The following ERN1 variants were observed in gnomAD, a reference collection of about 807,000 sequenced individuals.
ERN1 encodes serine/threonine-protein kinase/endoribonuclease IRE1.
Under a neutral mutation model 113.1 loss-of-function variants are expected in ERN1, and 39 were observed. The observed-to-expected ratio is 0.34, with a 90% confidence interval of 0.27 to 0.45. The LOEUF (loss-of-function observed/expected upper bound fraction) is 0.45, where lower values mean the gene tolerates loss of function less well. Among genes scored for constraint, ERN1 ranks in the 20% least tolerant of loss-of-function variants. The pLI, the probability that ERN1 is intolerant of heterozygous loss-of-function variation, is 1.00. For missense variants in ERN1, 976 were observed against 1,274.8 expected, an observed-to-expected ratio of 0.77 and a Z score of 3.57; for synonymous variants, 507 against 515.9, an observed-to-expected ratio of 0.98 and a Z score of 0.23.
chr17:64,102,785 C>T, intron 1 of ERN1: 1 of 985,388 alleles, frequency 1.0e-6, no homozygotes, highest in Non-Finnish European at 1.2e-6. Context: ...CTACGGCACA[C>T]ACACTGGTTT....
At position 64,058,120 on chromosome 17, in the gene ERN1, T is replaced by A. The variant is rs79013092; in HGVS notation, c.1207-127A>T. 5.5e-3 allele frequency: 4,113 copies of A among 741,794 alleles called. 115 individuals carry two copies. In the African/African-American group the frequency reaches 0.064, roughly 12 times the overall value. 46.0% of individuals were successfully genotyped at this position (741,794 alleles called of 1,614,324 possible). A position where few individuals can be genotyped will look rare whatever the true frequency, so the allele number is the denominator to read the frequency against. ...GTACTGCAGGGGGTTTTATTTGTTTTAAGCTCACCAAAGATCATGTAGCCA... is the reference window on the plus strand; with the variant it reads ...GTACTGCAGGGGGTTTTATTTGTTTAAAGCTCACCAAAGATCATGTAGCCA... On this transcript the variant is annotated intron_variant, in intron 11 of 21. Transcript: ENST00000433197.
intron 3 of ERN1, 146 bp downstream of exon 3, chr17:64,080,629 C>G (rs367899103): frequency 1.0e-5 from 7 of 684,206 alleles, no homozygotes. Flanking sequence ...AAGCTTTCAT[C>G]ATAGCACCTG....
In ERN1 at chr17:64,075,163, A is replaced by G. The variant is rs376042899; in HGVS notation, c.355+12T>C. ...CAAAGAGACACAAGTTTCTGGAGAC[A>G]GGAACTCTTACCCATGTAGAGGATT... On this transcript the variant is annotated intron_variant, in intron 5 of 21. Transcript: ENST00000433197. 9 of 1,542,692 alleles carry G rather than the reference A, an allele frequency of 5.8e-6. No homozygotes were observed. The African/African-American group carries it at 1.2e-4, about 21-fold the overall frequency.
intron 1 of ERN1, among the ~76,000 whole-genome samples, chr17:64,120,051 C>T (rs576447850): frequency 6.6e-6 from 1 of 152,272 alleles, no homozygotes; most frequent in South Asian, 2.1e-4. Flanking sequence ...GCCACTGAGC[C>T]TGGCCTTAAA....
In ERN1 at chr17:64,063,934, C is replaced by A; in HGVS notation, c.1087+52G>T. On this transcript the variant is annotated intron_variant, in intron 10 of 21. Transcript: ENST00000433197. The surrounding 1 kb of genome is among the most constrained non-coding windows in gnomAD (Gnocchi z 5.1). ...AACTACCAGGGCCGGCGGTCGCCCA[C>A]CAGGAGGCAGCACGCTGTCACCTCA... 2 of 1,580,640 alleles carry A rather than the reference C, an allele frequency of 1.3e-6. No homozygotes were observed. Among genetic ancestry groups the A allele is most frequent in the South Asian group, 1.1e-5 (1 of 87,756 alleles).
rs553411918 is a variant in ERN1 at position 64,044,606 on chromosome 17, C to T, written c.2721+254G>A. 2.0e-5 allele frequency among the ~76,000 whole-genome samples: 3 copies of T among 152,340 alleles called. No individual in the cohort carries two copies. Among genetic ancestry groups the T allele is most frequent in the African/African-American group, 7.2e-5 (3 of 41,572 alleles). ...AGGGAGAGGGCCCCACAAAAGTCAG[C>T]GACCAGAGACCATGAGGGACATGGG... On this transcript the variant is annotated intron_variant, in intron 21 of 21. Transcript: ENST00000433197. This position sits in a 1 kb window ranked among gnomAD's most constrained non-coding sequence, Gnocchi z 4.1.
chr17:64,124,346 A>G (rs1370495936), intron 1 of ERN1, among the ~76,000 whole-genome samples: 1 of 152,244 alleles, frequency 6.6e-6, no homozygotes, highest in African/African-American at 2.4e-5. Context: ...AGCAGAAACA[A>G]TCCAAATGTC....
At chr17:64,106,438 G>A (rs147759444) in intron 1 of ERN1, among the ~76,000 whole-genome samples, 228 of 152,284 alleles carry the variant, frequency 1.5e-3, no homozygotes, top group African/African-American at 5.4e-3. Context: ...ATGCTTGGAG[G>A]TGGGAAGGGC....
At chr17:64,047,565 C>T (rs1394413981) in intron 19 of ERN1, among the ~76,000 whole-genome samples, 1 of 151,918 alleles carries the variant, frequency 6.6e-6, no homozygotes, top group African/African-American at 2.4e-5. Context: ...TAAAGCTTAA[C>T]CATTATGGCA....
At chr17:64,101,992 A>G (rs528790370) in intron 1 of ERN1, among the ~76,000 whole-genome samples, 11 of 152,244 alleles carry the variant, frequency 7.2e-5, no homozygotes, top group Non-Finnish European at 1.3e-4. Flanking sequence ...ATAAAACACT[A>G]ATCATGGCCG....
Position 64,082,077 on chromosome 17 carries a change from C to T in ERN1, c.176-1269G>A, listed in dbSNP as rs940819184. 9.2e-5 allele frequency among the ~76,000 whole-genome samples: 14 copies of T among 152,192 alleles called. No individual in the cohort carries two copies. In the East Asian group the frequency reaches 9.6e-4, roughly 10 times the overall value. On this transcript the variant is annotated intron_variant, in intron 2 of 21. Coordinates refer to ENST00000433197, the MANE Select transcript of ERN1 (RefSeq NM_001433.5). ...TGTAGGCTCTGCTTATGGTGACAGA[C>T]GGCTGTCCAATCCATCCAATTATTG...
Position 64,054,323 on chromosome 17 carries a change from C to T in ERN1, c.1880G>A (p.Arg627His), listed in dbSNP as rs1465916277. The T allele has an allele frequency of 3.7e-6, 6 of 1,613,608 alleles. No homozygotes were observed. Among genetic ancestry groups the T allele is most frequent in the Non-Finnish European group, 5.1e-6 (6 of 1,179,726 alleles). The change falls in exon 15 of 22, where the codon CGC becomes CAC. Residue 627 changes from arginine to histidine, a missense_variant. Arg to His is a conservative substitution (Grantham distance 29). Transcript: ENST00000433197. This position sits in a 1 kb window ranked among gnomAD's most constrained non-coding sequence, Gnocchi z 4.9. ...CCGGTCCTTCTCCGTGCAGAAGTAG[C>T]GGATCACGTTCGGGTGCTCATCCGA... ...RESDEHPNVI[R>H]YFCTEKDRQF...
In ERN1 at chr17:64,044,804, A is replaced by C. The variant is rs1912460964; in HGVS notation, c.2721+56T>G. On this transcript the variant is annotated intron_variant, in intron 21 of 21. Coordinates refer to ENST00000433197, the MANE Select transcript of ERN1 (RefSeq NM_001433.5). This position sits in a 1 kb window ranked among gnomAD's most constrained non-coding sequence, Gnocchi z 4.1. ...TTTATAAAGAATGGATGAAAGGAGG[A>C]AGGTGTCCATGTCATGGCCACTGGG... 1 of 1,047,434 alleles carries C rather than the reference A, an allele frequency of 9.5e-7. No individual in the cohort carries two copies. Among genetic ancestry groups the C allele is most frequent in the Non-Finnish European group, 1.5e-6 (1 of 686,048 alleles). 64.9% of individuals were successfully genotyped at this position (1,047,434 alleles called of 1,614,324 possible).
chr17:64,121,552 G>A (rs1914955603), intron 1 of ERN1, among the ~76,000 whole-genome samples: 1 of 152,124 alleles, frequency 6.6e-6, no homozygotes, highest in South Asian at 2.1e-4. Flanking sequence ...TGCAATGGCA[G>A]GATCTCAGCT....
intron 9 of ERN1, 138 bp from the exon 10 acceptor site, chr17:64,064,289 C>CA: frequency 1.1e-6 from 1 of 943,696 alleles, no homozygotes; most frequent in Non-Finnish European, 1.5e-6. Flanking sequence ...CACAAAGGCC[C>CA]AAAGTCTGGG....
intron 2 of ERN1, among the ~76,000 whole-genome samples, chr17:64,084,540 A>G (rs964634640): frequency 6.6e-6 from 1 of 150,452 alleles, no homozygotes; most frequent in African/African-American, 2.5e-5. Flanking sequence ...GAAAAAAAAA[A>G]TAGAGATAAC....
At position 64,065,323 on chromosome 17, in the gene ERN1, T is replaced by C. The variant is rs140601355; in HGVS notation, c.843-36A>G. On this transcript the variant is annotated intron_variant, in intron 8 of 21. Coordinates refer to ENST00000433197, the MANE Select transcript of ERN1 (RefSeq NM_001433.5). ...AACAGATACATGCATTCCAGAGTCA[T>C]TGAATTTCCAGATCCCACAGAAGGG... 1,171 of 1,485,518 alleles carry C rather than the reference T, an allele frequency of 7.9e-4. 2 individuals are homozygous for C. The highest frequency in any genetic ancestry group is 6.3e-3 in the African/African-American group (453 of 71,892). The allele number at this position is 1,485,518 out of a possible 1,614,324, so 92.0% of individuals were successfully genotyped here.
At chr17:64,105,516 A>G (rs1598082983) in intron 1 of ERN1, among the ~76,000 whole-genome samples, 1 of 152,272 alleles carries the variant, frequency 6.6e-6, no homozygotes, top group East Asian at 1.9e-4. Flanking sequence ...AATAATAAAA[A>G]TTTGTTTTAG....
chr17:64,099,544 C>T (rs1228476895), intron 1 of ERN1, among the ~76,000 whole-genome samples: 1 of 151,914 alleles, frequency 6.6e-6, no homozygotes, highest in Non-Finnish European at 1.5e-5. Flanking sequence ...AAAAAAATGC[C>T]AATGCAACTT....
Sources: allele counts gnomAD v4.1 joint callset (sites outside exome capture counted in the v4.1 genomes callset), GRCh38; gene constraint gnomAD v4.1.1; non-coding constraint Gnocchi (gnomAD v3.1); transcripts MANE v1.5; gene names NCBI Gene and HGNC (gene_info 2026-07-23, HGNC 2026-07-21).